PAK3: variants seen among roughly 807,000 people sequenced by gnomAD.
PAK3 encodes the protein serine/threonine-protein kinase PAK 3.
A neutral mutation model predicts 41.0 loss-of-function variants in PAK3; 4 were observed. The observed-to-expected ratio is 0.10, with a 90% CI of 0.05 to 0.22. The LOEUF (loss-of-function observed/expected upper bound fraction) is 0.22, where lower values mean the gene tolerates loss of function less well. PAK3 is among the 10% of genes least tolerant of loss of function. The pLI is 1.00. For missense variants in PAK3, 205 were observed against 409.9 expected, an observed-to-expected ratio of 0.50 and a Z score of 4.32; for synonymous variants, 146 against 139.6, an observed-to-expected ratio of 1.05 and a Z score of -0.32.
intron 16 of PAK3, among the ~76,000 whole-genome samples, chrX:111,203,651 G>A (rs1184000234): frequency 8.9e-6 from 1 of 111,757 alleles, no homozygotes; most frequent in African/African-American, 3.2e-5. Flanking sequence ...TGGGAACAGG[G>A]AAATTATAAT....
intron 1 of PAK3, among the ~76,000 whole-genome samples, chrX:110,960,488 G>A (rs927659923): frequency 2.7e-5 from 3 of 111,703 alleles, no homozygotes; most frequent in African/African-American, 9.8e-5. Flanking sequence ...CCTGGGACAG[G>A]AGTGTACCTG....
chrX:111,114,401 C>T (rs2093427067), intron 4 of PAK3, among the ~76,000 whole-genome samples: 1 of 111,851 alleles, frequency 8.9e-6, no homozygotes, highest in African/African-American at 3.3e-5. Context: ...TAAGGGGCCT[C>T]AATAATATAT....
intron 1 of PAK3, among the ~76,000 whole-genome samples, chrX:111,024,356 G>A (rs1307515077): frequency 9.0e-6 from 1 of 111,418 alleles, no homozygotes; most frequent in African/African-American, 3.3e-5. Context: ...TTTTTGCTTA[G>A]GATTGTCTTG....
At chrX:111,162,883 A>T in intron 8 of PAK3, 32 bp from the exon 9 acceptor site, 1 of 1,180,326 alleles carries the variant, frequency 8.5e-7, no homozygotes, top group Non-Finnish European at 1.2e-6. Flanking sequence ...AGGAGTTAAT[A>T]CCTGATCTTT....
At chrX:111,219,222 A>G (rs2149404608) in intron 17 of PAK3, among the ~76,000 whole-genome samples, 1 of 104,442 alleles carries the variant, frequency 9.6e-6, no homozygotes, top group African/African-American at 3.5e-5. Flanking sequence ...AATAATAATA[A>G]TAATAATAAT....
chrX:111,077,338 C>A (rs1184014037), intron 1 of PAK3, among the ~76,000 whole-genome samples: 1 of 111,487 alleles, frequency 9.0e-6, no homozygotes, highest in East Asian at 2.8e-4. Flanking sequence ...CACAAAAGAG[C>A]CTAAAGGACC....
At chrX:110,979,455 G>T (rs1179020673) in intron 1 of PAK3, among the ~76,000 whole-genome samples, 1 of 108,898 alleles carries the variant, frequency 9.2e-6, no homozygotes, top group Non-Finnish European at 1.9e-5. Context: ...CCGCCACCTC[G>T]CCTGGCTAAT....
chrX:110,984,955 C>T (rs2091516552), intron 1 of PAK3, among the ~76,000 whole-genome samples: 1 of 110,679 alleles, frequency 9.0e-6, no homozygotes. Context: ...GTGGTGAAAC[C>T]CCATCTCTAC....
intron 1 of PAK3, among the ~76,000 whole-genome samples, chrX:111,070,904 C>T (rs2092738577): frequency 8.9e-6 from 1 of 111,800 alleles, no homozygotes; most frequent in African/African-American, 3.3e-5. Flanking sequence ...ACATGCTGTG[C>T]CCCTGGTAGG....
intron 1 of PAK3, among the ~76,000 whole-genome samples, chrX:110,955,726 T>A (rs930381007): frequency 1.8e-5 from 2 of 112,234 alleles, no homozygotes; most frequent in African/African-American, 6.5e-5. Context: ...GCCAGATAAG[T>A]CACTTTGCCT....
intron 10 of PAK3, among the ~76,000 whole-genome samples, chrX:111,171,490 A>G (rs899603731): frequency 2.7e-5 from 3 of 111,517 alleles, no homozygotes; most frequent in African/African-American, 6.5e-5. Flanking sequence ...TGAAGAGTCA[A>G]TGCCACTTCT....
chrX:110,993,446 C>T (rs1287325289), intron 1 of PAK3, among the ~76,000 whole-genome samples: 1 of 111,411 alleles, frequency 9.0e-6, no homozygotes, highest in African/African-American at 3.3e-5. Context: ...CAACATATTC[C>T]GACATCCCTG....
chrX:111,183,523 T>G (rs1225424045), intron 11 of PAK3, among the ~76,000 whole-genome samples: 3 of 111,451 alleles, frequency 2.7e-5, no homozygotes, highest in Non-Finnish European at 3.8e-5. Context: ...GCCCTTTTTG[T>G]TTTCTCCCAG....
At chrX:111,066,105 T>C (rs1292986804) in intron 1 of PAK3, among the ~76,000 whole-genome samples, 1 of 111,700 alleles carries the variant, frequency 9.0e-6, no homozygotes, top group Non-Finnish European at 1.9e-5. Flanking sequence ...TTGAGGTTAG[T>C]TTGTTCTTGT....
At position 111,163,689 on chromosome X, in the gene PAK3, A is replaced by G. The variant is rs781317832; in HGVS notation, c.728A>G (p.Lys243Arg). The G allele has an allele frequency of 8.3e-7, 1 of 1,206,017 alleles. No individual in the cohort carries two copies. The highest frequency in any genetic ancestry group is 3.0e-5 in the East Asian group (1 of 33,795). Residue 243 changes from lysine (K) to arginine (R), a missense_variant, in exon 10 of 18, where the codon AAA becomes AGA. By Grantham distance (26) the Lys-to-Arg change is conservative. Coordinates refer to ENST00000372007, the MANE Select transcript of PAK3 (RefSeq NM_002578.5). Reference protein sequence around the residue: ...LYRNTDRQRKKSKMTDEEILE... With the variant: ...LYRNTDRQRKRSKMTDEEILE... ...AGGAACACAGATCGGCAAAGAAAAA[A>G]ATCCAAGATGACAGATGAGGAGATC... is the stretch of plus-strand genomic sequence containing the variant.
At chrX:111,073,566 A>G (rs1312286909) in intron 1 of PAK3, among the ~76,000 whole-genome samples, 1 of 112,109 alleles carries the variant, frequency 8.9e-6, no homozygotes, top group Non-Finnish European at 1.9e-5. Context: ...TGATCATAAG[A>G]ATCTACTATG....
intron 7 of PAK3, among the ~76,000 whole-genome samples, chrX:111,148,190 T>G (rs1051214940): frequency 8.9e-6 from 1 of 111,905 alleles, no homozygotes; most frequent in South Asian, 3.8e-4. Flanking sequence ...CTTACTGGGC[T>G]TTGTTATATG....
In PAK3 at chrX:111,165,973, G is replaced by GT. The variant is rs1211158731; in HGVS notation, c.766+2256dup. On this transcript the variant is annotated intron_variant, in intron 10 of 17. Transcript: ENST00000372007. ...ACATTTGAATTAAGAATTCAGTGGGGTTTTTTTTTTCTCTACTGGACTTCA... is the reference window on the plus strand; with the variant it reads ...ACATTTGAATTAAGAATTCAGTGGGGTTTTTTTTTTTCTCTACTGGACTTCA... 2.8e-4 allele frequency among the ~76,000 whole-genome samples: 30 copies of GT among 107,398 alleles called. No individual in the cohort carries two copies. The East Asian group carries it at 3.2e-3, about 12-fold the overall frequency. The allele number at this position is 107,398 out of a possible 115,157, so 93.3% of individuals were successfully genotyped here. A position where few individuals can be genotyped will look rare whatever the true frequency, so the allele number is the denominator to read the frequency against.
chrX:111,198,349 T>G (rs2094638824), intron 16 of PAK3, among the ~76,000 whole-genome samples: 1 of 112,703 alleles, frequency 8.9e-6, no homozygotes, highest in Non-Finnish European at 1.9e-5. Context: ...ATGTGTCAAT[T>G]TTTGTTTTTG....
Sources: allele counts gnomAD v4.1 joint callset (sites outside exome capture counted in the v4.1 genomes callset), GRCh38; gene constraint gnomAD v4.1.1; transcripts MANE v1.5; gene names NCBI Gene and HGNC (gene_info 2026-07-23, HGNC 2026-07-21).